The following LMLN variants were observed in gnomAD, a reference collection of about 807,000 sequenced individuals.
The protein encoded by LMLN is leishmanolysin-like peptidase.
Under a neutral mutation model 92.3 loss-of-function variants are expected in LMLN, and 70 were observed. The observed-to-expected ratio is 0.76, with a 90% CI of 0.63 to 0.92. The LOEUF is 0.92. Ranked by LOEUF, LMLN falls within the 40% of genes least tolerant of loss-of-function variation. LMLN has a pLI of 0.00. For synonymous variants in LMLN, 308 were observed against 296.2 expected, an observed-to-expected ratio of 1.04 and a Z score of -0.41; for missense variants, 691 against 814.6, an observed-to-expected ratio of 0.85 and a Z score of 1.85.
At chr3:197,974,407 C>T in exon 2 of LMLN, 1 of 1,597,038 alleles carries the variant, frequency 6.3e-7, no homozygotes. Context: ...TAAGGCAAAT[C>T]ATGTGGTCAA....
intron 7 of LMLN, among the ~76,000 whole-genome samples, chr3:197,985,092 A>T (rs1204837564): frequency 6.6e-6 from 1 of 152,208 alleles, no homozygotes; most frequent in Non-Finnish European, 1.5e-5. Flanking sequence ...ATTTTTTTAC[A>T]TGTTTATTTG....
exon 9 of LMLN, chr3:197,990,627 A>C: frequency 1.2e-6 from 2 of 1,605,336 alleles, no homozygotes; most frequent in Non-Finnish European, 1.7e-6. Flanking sequence ...GTTCGAGATA[A>C]TAAGATAGTT....
At chr3:197,981,918 C>T (rs570783533) in intron 6 of LMLN, among the ~76,000 whole-genome samples, 1 of 152,038 alleles carries the variant, frequency 6.6e-6, no homozygotes, top group South Asian at 2.1e-4. Context: ...GATTCTCCTG[C>T]CTCAGCTTCC....
chr3:198,020,768 A>ATTTTTTTTTTTTTTTTTTTT (rs71166715), intron 12 of LMLN, among the ~76,000 whole-genome samples: 3 of 32,870 alleles, frequency 9.1e-5, no homozygotes, highest in African/African-American at 2.4e-4. Context: ...TAATTTTTGT[A>ATTTTTTTTTTTTTTTTTTTT]TTTTTTTTTT....
intron 13 of LMLN, among the ~76,000 whole-genome samples, chr3:198,023,500 T>G (rs1419628981): frequency 6.6e-6 from 1 of 152,148 alleles, no homozygotes; most frequent in African/African-American, 2.4e-5. Context: ...TGAACCCCAT[T>G]TTAGACACTG....
rs191840649 is a variant in LMLN at position 198,005,990 on chromosome 3, G to T, written c.1232+6648G>T. Among the ~76,000 whole-genome samples, 542 of 152,158 alleles carry T rather than the reference G, an allele frequency of 3.6e-3. 2 individuals are homozygous for T. The highest frequency in any genetic ancestry group is 5.6e-3 in the Non-Finnish European group (381 of 67,992). On this transcript the variant is annotated intron_variant, in intron 11 of 15. Transcript: ENST00000330198. ...AAATTAGCCAGGCGTGGTGGTGGGCGCCTGTAACCCTAGCTACTCAGGAGG... is the reference window on the plus strand; with the variant it reads ...AAATTAGCCAGGCGTGGTGGTGGGCTCCTGTAACCCTAGCTACTCAGGAGG...
chr3:197,965,578 T>A (rs1221888978), intron 1 of LMLN, among the ~76,000 whole-genome samples: 2 of 152,154 alleles, frequency 1.3e-5, no homozygotes, highest in African/African-American at 4.8e-5. Context: ...CTATACATGT[T>A]AATAAGCTGA....
At chr3:197,991,312 C>A (rs1241792780) in intron 9 of LMLN, among the ~76,000 whole-genome samples, 2 of 151,988 alleles carry the variant, frequency 1.3e-5, no homozygotes, top group African/African-American at 4.8e-5. Flanking sequence ...CGCTATGTTG[C>A]CCAGGCTGGT....
At chr3:197,980,975 C>T (rs1227238611) in intron 6 of LMLN, among the ~76,000 whole-genome samples, 12 of 152,060 alleles carry the variant, frequency 7.9e-5, no homozygotes, top group Non-Finnish European at 1.8e-4. Flanking sequence ...TGGTGGCATG[C>T]ACCCGTGGTC....
At chr3:197,972,551 C>A (rs895646299) in intron 1 of LMLN, among the ~76,000 whole-genome samples, 1 of 152,082 alleles carries the variant, frequency 6.6e-6, no homozygotes, top group Non-Finnish European at 1.5e-5. Flanking sequence ...AAATTCAGGT[C>A]CTCTTAGGGT....
chr3:198,029,010 T>C (rs1292004863), intron 14 of LMLN, among the ~76,000 whole-genome samples: 6 of 152,116 alleles, frequency 3.9e-5, no homozygotes, highest in Admixed American at 3.9e-4. Flanking sequence ...ACTTTGATCA[T>C]TCTGAATTCA....
chr3:197,981,849 G>C (rs529034205), intron 6 of LMLN, among the ~76,000 whole-genome samples: 22 of 150,334 alleles, frequency 1.5e-4, no homozygotes, highest in Admixed American at 1.4e-3. Flanking sequence ...CTGTCACCCA[G>C]GCTGGAGTGC....
intron 14 of LMLN, among the ~76,000 whole-genome samples, chr3:198,028,876 C>T (rs1723003800): frequency 6.6e-6 from 1 of 152,112 alleles, no homozygotes; most frequent in South Asian, 2.1e-4. Flanking sequence ...TTTTTTACAC[C>T]AATAGTATCA....
At chr3:197,974,937 A>C in intron 2 of LMLN, 105 bp from the exon 3 acceptor site, 1 of 743,294 alleles carries the variant, frequency 1.3e-6, no homozygotes, top group Non-Finnish European at 2.4e-6. Context: ...CCATAGGCAG[A>C]GCAGGCCCAA....
intron 1 of LMLN, among the ~76,000 whole-genome samples, chr3:197,968,437 CAG>C (rs973879803): frequency 1.3e-5 from 2 of 150,894 alleles, no homozygotes; most frequent in African/African-American, 4.9e-5. Flanking sequence ...GCCTGGGTAA[CAG>C]AGCAAGACTC....
chr3:198,017,539 C>T (rs1722673723), intron 11 of LMLN, among the ~76,000 whole-genome samples: 1 of 152,162 alleles, frequency 6.6e-6, no homozygotes, highest in Non-Finnish European at 1.5e-5. Context: ...TTAATATTGG[C>T]TCTAGAGCTA....
At chr3:197,966,648 T>C (rs549467849) in intron 1 of LMLN, among the ~76,000 whole-genome samples, 16 of 140,086 alleles carry the variant, frequency 1.1e-4, no homozygotes, top group Non-Finnish European at 1.8e-4. Context: ...TCTGTTGATA[T>C]TATGAGTTAC....
In LMLN at chr3:198,025,178, G is replaced by A. The variant is rs1481248986; in HGVS notation, c.1656+390G>A. Among the ~76,000 whole-genome samples the A allele has an allele frequency of 1.3e-5, 2 of 152,168 alleles. No homozygotes were observed. The highest frequency in any genetic ancestry group is 2.9e-5 in the Non-Finnish European group (2 of 68,026). ...AGGCTGGACGTGGTGGCTCACGCCT[G>A]TAATCCCAGCACTTTGGGAGGCTGA... On this transcript the variant is annotated intron_variant, in intron 14 of 15. Coordinates refer to ENST00000330198, the Ensembl canonical transcript of LMLN. This position sits in a 1 kb window ranked among gnomAD's most constrained non-coding sequence, Gnocchi z 4.3.
intron 11 of LMLN, among the ~76,000 whole-genome samples, chr3:198,017,491 G>A (rs989445971): frequency 5.9e-5 from 9 of 152,310 alleles, no homozygotes; most frequent in African/African-American, 2.2e-4. Context: ...AACTAAAACT[G>A]ATAAATCGCC....
Sources: allele counts gnomAD v4.1 joint callset (sites outside exome capture counted in the v4.1 genomes callset), GRCh38; gene constraint gnomAD v4.1.1; non-coding constraint Gnocchi (gnomAD v3.1); transcripts MANE v1.5; gene names NCBI Gene and HGNC (gene_info 2026-07-23, HGNC 2026-07-21).